The following SHISA9 variants were observed in gnomAD, a reference collection of about 807,000 sequenced individuals.
The protein encoded by SHISA9 is shisa family member 9.
Under a neutral mutation model 38.0 loss-of-function variants are expected in SHISA9, and 13 were observed. The observed-to-expected ratio is 0.34, with a 90% CI of 0.22 to 0.54. The LOEUF is 0.54. SHISA9 is among the 20% of genes least tolerant of loss of function. The pLI, the probability that SHISA9 is intolerant of heterozygous loss-of-function variation, is 0.91. For synonymous variants in SHISA9, 275 were observed against 242.0 expected, an observed-to-expected ratio of 1.14 and a Z score of -1.27; for missense variants, 538 against 575.8, an observed-to-expected ratio of 0.93 and a Z score of 0.67.
At chr16:13,012,262 G>T (rs550790308) in intron 2 of SHISA9, among the ~76,000 whole-genome samples, 1 of 152,328 alleles carries the variant, frequency 6.6e-6, no homozygotes, top group African/African-American at 2.4e-5. Flanking sequence ...TATAGAGAGT[G>T]ACCCTGGGGT....
At chr16:13,446,705 G>C in the SHISA9 span, among the ~76,000 whole-genome samples, 1 of 152,060 alleles carries the variant, frequency 6.6e-6, no homozygotes, top group African/African-American at 2.4e-5. Context: ...TGCTGGGCGC[G>C]GTGGCTTACT....
intron 4 of SHISA9, among the ~76,000 whole-genome samples, chr16:13,231,137 T>C (rs1046859065): frequency 6.6e-6 from 1 of 152,218 alleles, no homozygotes; most frequent in Non-Finnish European, 1.5e-5. Flanking sequence ...CTGGTTCACA[T>C]GCCTCTGACA....
chr16:13,232,037 G>A (rs1173667065), intron 4 of SHISA9, among the ~76,000 whole-genome samples: 1 of 152,210 alleles, frequency 6.6e-6, no homozygotes, highest in Non-Finnish European at 1.5e-5. Flanking sequence ...GCCCTGTAAG[G>A]AGGAGAATCA....
chr16:13,012,230 G>A (rs59577475), intron 2 of SHISA9, among the ~76,000 whole-genome samples: 3 of 152,130 alleles, frequency 2.0e-5, no homozygotes, highest in Non-Finnish European at 4.4e-5. Context: ...CATTTTTAAG[G>A]AGAAATGACA....
chr16:13,055,068 G>C (rs1480756277), intron 2 of SHISA9, among the ~76,000 whole-genome samples: 1 of 151,964 alleles, frequency 6.6e-6, no homozygotes, highest in Non-Finnish European at 1.5e-5. Flanking sequence ...AAATTAATAG[G>C]CCTTCTCCTA....
the SHISA9 span, among the ~76,000 whole-genome samples, chr16:13,482,859 C>G: frequency 6.7e-6 from 1 of 150,224 alleles, no homozygotes; most frequent in Non-Finnish European, 1.5e-5. Flanking sequence ...TCAGTAGGAG[C>G]AGATCCTCCA....
At chr16:13,531,530 A>G in the SHISA9 span, among the ~76,000 whole-genome samples, 1 of 151,598 alleles carries the variant, frequency 6.6e-6, no homozygotes, top group Non-Finnish European at 1.5e-5. Context: ...GCAGCCAAGT[A>G]CTAGAGTCCA....
At chr16:13,111,650 T>G (rs1211765730) in intron 2 of SHISA9, among the ~76,000 whole-genome samples, 2 of 152,248 alleles carry the variant, frequency 1.3e-5, no homozygotes, top group Non-Finnish European at 2.9e-5. Context: ...AAGATAATTT[T>G]CTTTTTGGAG....
intron 2 of SHISA9, among the ~76,000 whole-genome samples, chr16:13,147,928 A>G (rs969405202): frequency 6.6e-6 from 1 of 152,176 alleles, no homozygotes; most frequent in African/African-American, 2.4e-5. Context: ...CACCCCAAAT[A>G]CTTTGTGCCC....
At chr16:13,021,890 C>T (rs1278884922) in intron 2 of SHISA9, among the ~76,000 whole-genome samples, 3 of 152,140 alleles carry the variant, frequency 2.0e-5, no homozygotes, top group South Asian at 2.1e-4. Flanking sequence ...CTAGGGCTGC[C>T]GTAACAAATG....
chr16:13,251,896 G>T, the SHISA9 span, among the ~76,000 whole-genome samples: 1 of 152,024 alleles, frequency 6.6e-6, no homozygotes, highest in Non-Finnish European at 1.5e-5. Context: ...GCAGAGTGAG[G>T]GCAGGTAACA....
At chr16:13,134,449 G>T (rs1296361462) in intron 2 of SHISA9, among the ~76,000 whole-genome samples, 2 of 152,148 alleles carry the variant, frequency 1.3e-5, no homozygotes, top group African/African-American at 4.8e-5. Context: ...GCCAATGGGG[G>T]AGAGAGGAGG....
the SHISA9 span, among the ~76,000 whole-genome samples, chr16:13,407,318 G>T: frequency 2.0e-5 from 3 of 152,044 alleles, no homozygotes; most frequent in East Asian, 5.8e-4. Context: ...AGACAGCGCT[G>T]GTCTCTCTCC....
intron 2 of SHISA9, among the ~76,000 whole-genome samples, chr16:13,132,918 G>A (rs994675733): frequency 3.3e-5 from 5 of 152,192 alleles, no homozygotes; most frequent in Admixed American, 6.5e-5. Context: ...GGCCAGTGGA[G>A]GGACATTCTG....
chr16:13,085,242 A>G (rs917453472), intron 2 of SHISA9, among the ~76,000 whole-genome samples: 3 of 152,172 alleles, frequency 2.0e-5, no homozygotes, highest in African/African-American at 7.2e-5. Context: ...ATCTATGTCT[A>G]TATATCTATA....
chr16:13,459,466 A>G, the SHISA9 span, among the ~76,000 whole-genome samples: 9 of 151,624 alleles, frequency 5.9e-5, no homozygotes, highest in East Asian at 1.6e-3. Flanking sequence ...AATAACTTTT[A>G]TCTTTTGCCT....
chr16:13,056,103 C>G (rs1389080181), intron 2 of SHISA9, among the ~76,000 whole-genome samples: 1 of 152,132 alleles, frequency 6.6e-6, no homozygotes, highest in African/African-American at 2.4e-5. Context: ...CAGGGCCTGA[C>G]ACATAGCAGG....
At chr16:13,418,957 A>G in the SHISA9 span, among the ~76,000 whole-genome samples, 1 of 152,234 alleles carries the variant, frequency 6.6e-6, no homozygotes, top group Non-Finnish European at 1.5e-5. Context: ...ACCTTGGGGC[A>G]TTCCCAGAAA....
At chr16:13,387,045 A>T in the SHISA9 span, among the ~76,000 whole-genome samples, 1 of 152,328 alleles carries the variant, frequency 6.6e-6, no homozygotes, top group African/African-American at 2.4e-5. Context: ...CTTCCCCTCC[A>T]GCAATAATTT....
Sources: allele counts gnomAD v4.1 joint callset (sites outside exome capture counted in the v4.1 genomes callset), GRCh38; gene constraint gnomAD v4.1.1; transcripts MANE v1.5; gene names NCBI Gene and HGNC (gene_info 2026-07-23, HGNC 2026-07-21).